HCN1: variants seen among roughly 807,000 people sequenced by gnomAD.
The protein encoded by HCN1 is hyperpolarization activated cyclic nucleotide gated potassium channel 1.
A neutral mutation model predicts 78.9 loss-of-function variants in HCN1; 13 were observed. That is an observed-to-expected ratio of 0.16 (90% confidence interval 0.11 to 0.26). The LOEUF (loss-of-function observed/expected upper bound fraction) is 0.26, where lower values mean the gene tolerates loss of function less well. Among genes scored for constraint, HCN1 ranks in the 10% least tolerant of loss-of-function variants. The pLI, the probability that HCN1 is intolerant of heterozygous loss-of-function variation, is 1.00. For synonymous variants in HCN1, 552 were observed against 455.5 expected (o/e 1.21, Z -2.70); for missense variants, 810 against 1,154.3 (o/e 0.70, Z 4.32).
At chr5:45,689,814 T>G (rs1739872591) in intron 1 of HCN1, among the ~76,000 whole-genome samples, 1 of 152,158 alleles carries the variant, frequency 6.6e-6, no homozygotes, top group Non-Finnish European at 1.5e-5. Flanking sequence ...TTAGATTTGC[T>G]TTTTAAAGAT....
chr5:45,471,806 C>A (rs1579916036), intron 2 of HCN1, among the ~76,000 whole-genome samples: 1 of 151,918 alleles, frequency 6.6e-6, no homozygotes, highest in African/African-American at 2.4e-5. Context: ...CAGTCCCTCT[C>A]CAATTCATAA....
intron 1 of HCN1, among the ~76,000 whole-genome samples, chr5:45,691,789 C>G (rs1490623805): frequency 6.6e-6 from 1 of 152,112 alleles, no homozygotes; most frequent in Non-Finnish European, 1.5e-5. Context: ...TGGGTGAAGC[C>G]TCCCTTCCCT....
At chr5:45,269,659 G>A (rs1028460284) in intron 6 of HCN1, among the ~76,000 whole-genome samples, 1 of 152,144 alleles carries the variant, frequency 6.6e-6, no homozygotes, top group African/African-American at 2.4e-5. Context: ...AACTGTCCTA[G>A]TTCTCCCTCT....
chr5:45,671,071 T>C (rs888072816), intron 1 of HCN1, among the ~76,000 whole-genome samples: 1 of 151,678 alleles, frequency 6.6e-6, no homozygotes, highest in Admixed American at 6.6e-5. Context: ...GCATTATTAA[T>C]CAGTAAACTC....
intron 4 of HCN1, among the ~76,000 whole-genome samples, chr5:45,379,636 A>G (rs1747763989): frequency 1.3e-5 from 2 of 152,146 alleles, no homozygotes; most frequent in Non-Finnish European, 2.9e-5. Flanking sequence ...TAAGAATACA[A>G]ATAAAACATT....
intron 3 of HCN1, among the ~76,000 whole-genome samples, chr5:45,441,594 ACAACAACTCTT>A (rs1740682200): frequency 6.6e-6 from 1 of 152,216 alleles, no homozygotes; most frequent in Non-Finnish European, 1.5e-5. Context: ...TTAAAACTGA[ACAACAACTCTT>A]GTGATACGAT....
At chr5:45,371,118 C>T (rs1248354274) in intron 4 of HCN1, among the ~76,000 whole-genome samples, 1 of 151,984 alleles carries the variant, frequency 6.6e-6, no homozygotes, top group Non-Finnish European at 1.5e-5. Flanking sequence ...CTCTGGGACT[C>T]AGCTAAGGCA....
chr5:45,325,545 A>C (rs1467456227), intron 5 of HCN1, among the ~76,000 whole-genome samples: 1 of 151,758 alleles, frequency 6.6e-6, no homozygotes, highest in Non-Finnish European at 1.5e-5. Flanking sequence ...TTACACATAC[A>C]TTCCATTATT....
Position 45,642,364 on chromosome 5 carries a change from T to A in HCN1, c.849+2821A>T, listed in dbSNP as rs531230852. On this transcript the variant is annotated intron_variant, in intron 2 of 7. Coordinates refer to ENST00000303230, the MANE Select transcript of HCN1 (RefSeq NM_021072.4). The stretch of plus-strand genomic sequence containing the variant: ...ATGATAATAACATAAGCACAAAAAT[T>A]TAAAGCTTCTGTATCTCATTCATAA... 2.0e-5 allele frequency: 3 copies of A among 152,186 alleles called. No individual in the cohort carries two copies. In the South Asian group the frequency reaches 6.2e-4, roughly 32 times the overall value. The allele number at this position is 152,186 out of a possible 1,614,324, so 9.4% of individuals were successfully genotyped here.
intron 2 of HCN1, among the ~76,000 whole-genome samples, chr5:45,613,050 T>C (rs964604924): frequency 3.3e-5 from 5 of 151,994 alleles, no homozygotes; most frequent in Admixed American, 1.3e-4. Flanking sequence ...CATGTGCACA[T>C]TGTGCAGGTT....
chr5:45,406,374 A>G (rs1388667640), intron 3 of HCN1, among the ~76,000 whole-genome samples: 6 of 152,222 alleles, frequency 3.9e-5, no homozygotes, highest in Non-Finnish European at 7.3e-5. Context: ...AGAAATCAGC[A>G]TACACTGAGG....
intron 1 of HCN1, among the ~76,000 whole-genome samples, chr5:45,680,127 A>C (rs1739676943): frequency 6.6e-6 from 1 of 152,170 alleles, no homozygotes; most frequent in Admixed American, 6.6e-5. Flanking sequence ...TTACATAGGA[A>C]AGAAATGTAA....
intron 2 of HCN1, among the ~76,000 whole-genome samples, chr5:45,546,007 A>C (rs988936107): frequency 6.6e-6 from 1 of 151,988 alleles, no homozygotes. Flanking sequence ...TGGTTTATTT[A>C]CCCAATTTAA....
rs554652253 is a variant in HCN1, at chr5:45,388,594, A to G, written c.1230+7898T>C. Among the ~76,000 whole-genome samples, 8 of 152,240 alleles carry G rather than the reference A, an allele frequency of 5.3e-5. No individual in the cohort carries two copies. The East Asian group carries it at 1.6e-3, about 30-fold the overall frequency. On this transcript the variant is annotated intron_variant, in intron 4 of 7. Transcript: ENST00000303230. ...CAGAAACTCAGGAAATGTGGCCCACAAATCAGTGTTTTAACAAGCTTTTCA... is the reference window on the plus strand; with the variant it reads ...CAGAAACTCAGGAAATGTGGCCCACGAATCAGTGTTTTAACAAGCTTTTCA...
Position 45,343,391 on chromosome 5 carries a change from A to G in HCN1, c.1377+9709T>C, listed in dbSNP as rs1349101122. On this transcript the variant is annotated intron_variant, in intron 5 of 7. Coordinates refer to ENST00000303230, the MANE Select transcript of HCN1 (RefSeq NM_021072.4). ...AAATCAGACCAAATGCTGGAAGGCA[A>G]ACTAAGGGAACAGTGAAAATAGTCT... Among the ~76,000 whole-genome samples, 4 of 152,234 alleles carry G rather than the reference A, an allele frequency of 2.6e-5. No individual in the cohort carries two copies. The East Asian group carries it at 7.7e-4, about 29-fold the overall frequency.
At chr5:45,432,017 T>C (rs1740473401) in intron 3 of HCN1, among the ~76,000 whole-genome samples, 1 of 152,160 alleles carries the variant, frequency 6.6e-6, no homozygotes, top group Non-Finnish European at 1.5e-5. Context: ...CTGCAAATTG[T>C]TTTAGGCAGC....
At chr5:45,619,828 T>C (rs1021919370) in intron 2 of HCN1, among the ~76,000 whole-genome samples, 4 of 152,096 alleles carry the variant, frequency 2.6e-5, no homozygotes, top group African/African-American at 4.8e-5. Flanking sequence ...AATTCTTTGA[T>C]ATTCCTCTCT....
At chr5:45,343,042 T>C (rs1274475351) in intron 5 of HCN1, among the ~76,000 whole-genome samples, 1 of 152,054 alleles carries the variant, frequency 6.6e-6, no homozygotes, top group Non-Finnish European at 1.5e-5. Flanking sequence ...AATAAATAGG[T>C]ATTATTTGAA....
intron 2 of HCN1, among the ~76,000 whole-genome samples, chr5:45,595,455 A>T (rs933772652): frequency 1.2e-4 from 18 of 152,112 alleles, no homozygotes; most frequent in Non-Finnish European, 2.6e-4. Flanking sequence ...CTCCTGCCTC[A>T]GCCTCCTGAG....
Sources: gnomAD v4.1 joint callset for allele counts (sites outside exome capture counted in the v4.1 genomes callset) on GRCh38, gnomAD v4.1.1 for gene constraint, MANE v1.5 for transcripts, NCBI Gene and HGNC (gene_info 2026-07-23, HGNC 2026-07-21) for gene names.